Variants in EEA1 observed in about 807,000 individuals in gnomAD.
EEA1 encodes the protein early endosome antigen 1, also known as early endosome antigen 1, 162kD.
In EEA1, 111 loss-of-function variants were observed where a neutral mutation model predicts 209.2. The ratio of observed to expected loss-of-function variants is 0.53; its 90% CI spans 0.45 to 0.62. The LOEUF (loss-of-function observed/expected upper bound fraction) is 0.62, where lower values mean the gene tolerates loss of function less well. Among genes scored for constraint, EEA1 ranks in the 20% least tolerant of loss-of-function variants. The pLI is 0.00. For synonymous variants in EEA1, 536 were observed against 540.6 expected (o/e 0.99, Z 0.12); for missense variants, 1,343 against 1,530.8 (o/e 0.88, Z 2.05).
chr12:92,800,375 G>A (rs974941105), intron 20 of EEA1, among the ~76,000 whole-genome samples: 6 of 152,036 alleles, frequency 3.9e-5, no homozygotes, highest in African/African-American at 1.5e-4. Flanking sequence ...CTGTCACCAA[G>A]GTAAACCACT....
intron 9 of EEA1, 114 bp from the exon 10 acceptor site, chr12:92,842,695 A>G: frequency 1.5e-6 from 1 of 677,554 alleles, no homozygotes; most frequent in South Asian, 1.9e-5. Context: ...TGGAATTTTC[A>G]ATTTTGTTCT....
intron 2 of EEA1, among the ~76,000 whole-genome samples, chr12:92,869,627 A>G (rs1878543999): frequency 6.6e-6 from 1 of 150,566 alleles, no homozygotes; most frequent in African/African-American, 2.4e-5. Context: ...ATGCTGATGC[A>G]CCCTTGTAGT....
chr12:92,813,305 A>G (rs1875612899), intron 15 of EEA1, among the ~76,000 whole-genome samples: 2 of 152,220 alleles, frequency 1.3e-5, no homozygotes, highest in Non-Finnish European at 2.9e-5. Flanking sequence ...ATAAATAATA[A>G]AAAGATATCC....
intron 1 of EEA1, among the ~76,000 whole-genome samples, chr12:92,893,017 C>G (rs1270396471): frequency 6.6e-6 from 1 of 152,214 alleles, no homozygotes; most frequent in Admixed American, 6.5e-5. Flanking sequence ...ATCAAGTCCC[C>G]ATCACCTACC....
intron 1 of EEA1, among the ~76,000 whole-genome samples, chr12:92,911,293 C>T (rs1018157050): frequency 2.6e-5 from 4 of 152,010 alleles, no homozygotes; most frequent in African/African-American, 7.3e-5. Flanking sequence ...TATTCTCCAG[C>T]GTTAAAAAGA....
At chr12:92,851,383 T>C (rs1877624773) in intron 8 of EEA1, 117 bp from the exon 9 acceptor site, 6 of 1,037,774 alleles carry the variant, frequency 5.8e-6, no homozygotes, top group Non-Finnish European at 6.9e-6. Context: ...TATCAATTTT[T>C]AGACTTCAAA....
chr12:92,859,912 G>C (rs1216811650), intron 3 of EEA1, among the ~76,000 whole-genome samples: 1 of 152,136 alleles, frequency 6.6e-6, no homozygotes, highest in Non-Finnish European at 1.5e-5. Context: ...GTCAGGGTGT[G>C]TTCCCTATCT....
At chr12:92,903,067 T>TG (rs1239550852) in intron 1 of EEA1, among the ~76,000 whole-genome samples, 1 of 151,388 alleles carries the variant, frequency 6.6e-6, no homozygotes, top group Non-Finnish European at 1.5e-5. Flanking sequence ...CCCAAGTAGC[T>TG]GGGGTTACAG....
In EEA1 at chr12:92,774,180, A is replaced by C. The variant is rs1334510913; in HGVS notation, c.*1831T>G. 6.6e-6 allele frequency: 1 copy of C among 151,482 alleles called. No homozygotes were observed. The highest frequency in any genetic ancestry group is 2.4e-5 in the African/African-American group (1 of 41,378). 9.4% of individuals were successfully genotyped at this position (151,482 alleles called of 1,614,324 possible). A position where few individuals can be genotyped will look rare whatever the true frequency, so the allele number is the denominator to read the frequency against. On this transcript the variant is annotated 3_prime_UTR_variant, in exon 29 of 29. Coordinates refer to ENST00000322349, the MANE Select transcript of EEA1 (RefSeq NM_003566.4). ...ATTTATAAGTATATAAAAATGCATA[A>C]ATAGTTCAGTTTATATTATCCAACT...
At chr12:92,776,209 CCAA>C (rs1873652606) in intron 28 of EEA1, 76 bp from the exon 29 acceptor site, 2 of 1,383,100 alleles carry the variant, frequency 1.4e-6, no homozygotes, top group Non-Finnish European at 1.9e-6. Flanking sequence ...ATGAATACCA[CCAA>C]CTACATTATG....
chr12:92,819,172 C>T (rs1319523012), intron 14 of EEA1, 136 bp downstream of exon 14: 1 of 702,304 alleles, frequency 1.4e-6, no homozygotes, highest in Non-Finnish European at 2.2e-6. Context: ...ACATGAGATG[C>T]TATTTGGCAA....
chr12:92,795,776 C>A (rs1288915684), intron 21 of EEA1, among the ~76,000 whole-genome samples: 1 of 152,158 alleles, frequency 6.6e-6, no homozygotes, highest in Non-Finnish European at 1.5e-5. Context: ...TCCTGGATAT[C>A]TTTTTCACAT....
At chr12:92,850,520 T>A (rs1254235595) in intron 9 of EEA1, among the ~76,000 whole-genome samples, 1 of 151,734 alleles carries the variant, frequency 6.6e-6, no homozygotes, top group Non-Finnish European at 1.5e-5. Context: ...TGAAGCCCCA[T>A]CTCTACTAAA....
chr12:92,920,506 C>T, intron 1 of EEA1, among the ~76,000 whole-genome samples: 2 of 138,954 alleles, frequency 1.4e-5, no homozygotes, highest in African/African-American at 2.8e-5. Context: ...GAAAGGATTC[C>T]CTATTTAATA....
At position 92,832,918 on chromosome 12, in the gene EEA1, T is replaced by A. The variant is rs570048749; in HGVS notation, c.916-68A>T. 6 of 1,180,910 alleles carry A rather than the reference T, an allele frequency of 5.1e-6. No individual in the cohort carries two copies. In the African/African-American group the frequency reaches 9.3e-5, roughly 18 times the overall value. The allele number at this position is 1,180,910 out of a possible 1,614,324, so 73.2% of individuals were successfully genotyped here. Reference sequence around the variant, plus strand: ...TTAATTACTCCAATTACTCAAACAATCTTTGGAGCAGTACTGTCTCCTATT... The same window carrying A: ...TTAATTACTCCAATTACTCAAACAAACTTTGGAGCAGTACTGTCTCCTATT... On this transcript the variant is annotated intron_variant, in intron 10 of 28. Coordinates refer to ENST00000322349, the MANE Select transcript of EEA1 (RefSeq NM_003566.4).
chr12:92,780,264 G>T lies in EEA1; in HGVS notation c.3468+16C>A, dbSNP rs1873847655. The stretch of plus-strand genomic sequence containing the variant: ...ATATAACACAGAAGGCAGGAGAAAT[G>T]ATTATCTTAACATACCTTTATGCTT... On this transcript the variant is annotated intron_variant, in intron 24 of 28. Coordinates refer to ENST00000322349, the MANE Select transcript of EEA1 (RefSeq NM_003566.4). 1.1e-5 allele frequency: 17 copies of T among 1,582,960 alleles called. No individual in the cohort carries two copies. The highest frequency in any genetic ancestry group is 1.5e-5 in the Non-Finnish European group (17 of 1,170,878).
chr12:92,854,273 A>G (rs1196609618), intron 5 of EEA1, among the ~76,000 whole-genome samples: 3 of 152,230 alleles, frequency 2.0e-5, no homozygotes, highest in African/African-American at 7.2e-5. Context: ...AATTATAAAT[A>G]TAGATTCTAA....
intron 2 of EEA1, chr12:92,884,790 CA>C (rs776245141): frequency 2.4e-6 from 2 of 838,662 alleles, no homozygotes; most frequent in Non-Finnish European, 3.9e-6. Context: ...CTCAGCCAAG[CA>C]CAGTGGTGGC....
intron 15 of EEA1, 85 bp from the exon 16 acceptor site, chr12:92,813,178 C>A: frequency 1.3e-6 from 1 of 777,568 alleles, no homozygotes; most frequent in Non-Finnish European, 1.9e-6. Flanking sequence ...TGTGACTAAA[C>A]AAACTATTTA....
Sources: allele counts gnomAD v4.1 joint callset (sites outside exome capture counted in the v4.1 genomes callset), GRCh38; gene constraint gnomAD v4.1.1; transcripts MANE v1.5; gene names NCBI Gene and HGNC (gene_info 2026-07-23, HGNC 2026-07-21).